ZNF385D: variants seen among roughly 807,000 people sequenced by gnomAD.
ZNF385D encodes the protein zinc finger protein 385D.
In ZNF385D, 15 loss-of-function variants were observed where a neutral mutation model predicts 35.8. That is an observed-to-expected ratio of 0.42 (90% CI 0.28 to 0.64). ZNF385D has a LOEUF of 0.64. Among genes scored for constraint, ZNF385D ranks in the 30% least tolerant of loss-of-function variants. The pLI is 0.23. For missense variants in ZNF385D, 474 were observed against 494.6 expected (o/e 0.96, Z 0.39); for synonymous variants, 212 against 186.8 (o/e 1.13, Z -1.10).
In ZNF385D at chr3:21,965,127, G is replaced by A. The variant is rs561145709; in HGVS notation, c.325+203690C>T. On this transcript the variant is annotated intron_variant, in intron 3 of 5. Coordinates refer to the ZNF385D transcript ENST00000494108. ...AGTATGAAGAGAAGAGATCTATGAT[G>A]AAGAGACAGCTTTGGAGCTTAGAAT... 9.2e-5 allele frequency among the ~76,000 whole-genome samples: 14 copies of A among 152,288 alleles called. No individual in the cohort carries two copies. In the East Asian group the frequency reaches 2.7e-3, roughly 29 times the overall value.
chr3:21,674,217 T>C (rs756751762), intron 1 of ZNF385D, among the ~76,000 whole-genome samples: 18 of 152,078 alleles, frequency 1.2e-4, no homozygotes, highest in Non-Finnish European at 2.4e-4. Context: ...ATGGAGATTT[T>C]TGGTGACCTT....
intron 3 of ZNF385D, among the ~76,000 whole-genome samples, chr3:21,885,994 G>C (rs1029321091): frequency 6.6e-6 from 1 of 152,092 alleles, no homozygotes; most frequent in Non-Finnish European, 1.5e-5. Context: ...ACTGATTTAA[G>C]TGTTAATCTT....
intron 3 of ZNF385D, among the ~76,000 whole-genome samples, chr3:21,907,167 T>C (rs1013382920): frequency 2.0e-5 from 3 of 152,290 alleles, no homozygotes; most frequent in Middle Eastern, 3.4e-3. Context: ...CTCTTAATCT[T>C]AGTTTTTCTT....
intron 5 of ZNF385D, 135 bp from the exon 6 acceptor site, chr3:21,425,805 C>T (rs781378690): frequency 4.8e-5 from 33 of 694,726 alleles, no homozygotes; most frequent in Admixed American, 2.4e-4. Flanking sequence ...AATCTGATGC[C>T]TCATTTTAGT....
chr3:21,746,805 T>C (rs2069792589), intron 1 of ZNF385D, among the ~76,000 whole-genome samples: 2 of 152,222 alleles, frequency 1.3e-5, no homozygotes, highest in Non-Finnish European at 2.9e-5. Context: ...TTTTCTCTGC[T>C]GCCTGCTGCT....
At chr3:22,112,837 A>AT (rs1360344832) in intron 3 of ZNF385D, among the ~76,000 whole-genome samples, 6 of 148,106 alleles carry the variant, frequency 4.1e-5, no homozygotes, top group Admixed American at 6.7e-5. Flanking sequence ...CACCCTTCCT[A>AT]TGGGGGGGAA....
intron 1 of ZNF385D, among the ~76,000 whole-genome samples, chr3:21,699,064 A>G (rs1469593772): frequency 6.6e-6 from 1 of 152,238 alleles, no homozygotes; most frequent in African/African-American, 2.4e-5. Flanking sequence ...CACTGTTCAC[A>G]ATAGCAAAGA....
intron 2 of ZNF385D, among the ~76,000 whole-genome samples, chr3:22,257,003 G>T (rs1435224992): frequency 6.6e-6 from 1 of 151,658 alleles, no homozygotes; most frequent in East Asian, 1.9e-4. Context: ...AGATGAATAA[G>T]GCACATGTCA....
At chr3:22,157,626 C>A (rs1215491405) in intron 3 of ZNF385D, among the ~76,000 whole-genome samples, 1 of 152,002 alleles carries the variant, frequency 6.6e-6, no homozygotes, top group Admixed American at 6.6e-5. Context: ...AGTTTTTTAA[C>A]CTCTTATGCA....
At chr3:21,993,076 A>G (rs929164825) in intron 3 of ZNF385D, among the ~76,000 whole-genome samples, 1 of 152,212 alleles carries the variant, frequency 6.6e-6, no homozygotes, top group African/African-American at 2.4e-5. Context: ...TTTCTTATCA[A>G]CATGCCAGAT....
intron 1 of ZNF385D, among the ~76,000 whole-genome samples, chr3:21,713,386 CCTGTAAT>C (rs1301212485): frequency 3.3e-5 from 5 of 152,276 alleles, no homozygotes; most frequent in South Asian, 4.1e-4. Context: ...CACTGCACCC[CCTGTAAT>C]CTGTCATGTG....
At chr3:21,652,857 C>T (rs1242761477) in intron 2 of ZNF385D, among the ~76,000 whole-genome samples, 2 of 152,114 alleles carry the variant, frequency 1.3e-5, no homozygotes, top group African/African-American at 2.4e-5. Flanking sequence ...AGATGATATA[C>T]TAAATAACAA....
intron 3 of ZNF385D, among the ~76,000 whole-genome samples, chr3:21,961,803 G>C (rs560422723): frequency 3.3e-5 from 5 of 152,100 alleles, no homozygotes; most frequent in African/African-American, 7.2e-5. Flanking sequence ...TAGTGGGAGA[G>C]TGCACTGGAT....
chr3:22,344,049 G>C (rs990418996), intron 2 of ZNF385D, among the ~76,000 whole-genome samples: 1 of 151,966 alleles, frequency 6.6e-6, no homozygotes, highest in African/African-American at 2.4e-5. Flanking sequence ...AGAAGATAGG[G>C]ATCCCTCTTT....
At chr3:22,101,912 A>G (rs1701963560) in intron 3 of ZNF385D, among the ~76,000 whole-genome samples, 1 of 151,742 alleles carries the variant, frequency 6.6e-6, no homozygotes, top group Non-Finnish European at 1.5e-5. Flanking sequence ...GATTTACTCA[A>G]GTAACAGAGT....
At chr3:21,969,582 C>T (rs1408222894) in intron 3 of ZNF385D, among the ~76,000 whole-genome samples, 1 of 152,192 alleles carries the variant, frequency 6.6e-6, no homozygotes, top group Non-Finnish European at 1.5e-5. Context: ...ACTCCAGGCC[C>T]TGGTCCTGGA....
intron 3 of ZNF385D, among the ~76,000 whole-genome samples, chr3:21,964,426 AAAAAAAG>A (rs1422357644): frequency 1.1e-5 from 1 of 91,300 alleles, no homozygotes; most frequent in Non-Finnish European, 1.9e-5. Flanking sequence ...AAAAAAAAAA[AAAAAAAG>A]AAAAAAAAAA....
chr3:21,602,682 G>T (rs866606585), intron 2 of ZNF385D, among the ~76,000 whole-genome samples: 1 of 149,666 alleles, frequency 6.7e-6, no homozygotes, highest in African/African-American at 2.5e-5. Context: ...ACAGGCGCCC[G>T]CCACCGCGCC....
At chr3:22,105,795 G>GTTT (rs1187514016) in intron 3 of ZNF385D, among the ~76,000 whole-genome samples, 1 of 152,132 alleles carries the variant, frequency 6.6e-6, no homozygotes, top group African/African-American at 2.4e-5. Context: ...CAAAGGTGCT[G>GTTT]TTTTTGAGAA....
Sources: allele counts gnomAD v4.1 joint callset (sites outside exome capture counted in the v4.1 genomes callset), GRCh38; gene constraint gnomAD v4.1.1; transcripts MANE v1.5; gene names NCBI Gene and HGNC (gene_info 2026-07-23, HGNC 2026-07-21).